The following ADGRD1 variants were observed in gnomAD, a reference collection of about 807,000 sequenced individuals.
ADGRD1 encodes adhesion G protein-coupled receptor D1.
A neutral mutation model predicts 113.4 loss-of-function variants in ADGRD1; 77 were observed. That is an observed-to-expected ratio of 0.68 (90% CI 0.57 to 0.82). The LOEUF is 0.82. Ranked by LOEUF, ADGRD1 falls within the 40% of genes least tolerant of loss-of-function variation. The pLI is 0.00. For synonymous variants in ADGRD1, 474 were observed against 475.0 expected, an observed-to-expected ratio of 1.00 and a Z score of 0.03; for missense variants, 1,036 against 1,139.1, an observed-to-expected ratio of 0.91 and a Z score of 1.30.
chr12:130,959,499 A>T (rs1019055669), intron 2 of ADGRD1, among the ~76,000 whole-genome samples: 1 of 152,164 alleles, frequency 6.6e-6, no homozygotes, highest in African/African-American at 2.4e-5. Context: ...TGAGTCCAGA[A>T]GTTTAAGGCT....
intron 21 of ADGRD1, among the ~76,000 whole-genome samples, chr12:131,133,052 G>A (rs1402322801): frequency 2.0e-5 from 3 of 152,156 alleles, no homozygotes; most frequent in Non-Finnish European, 2.9e-5. Flanking sequence ...GTTGTGCCCC[G>A]TGCGAGAAGA....
chr12:131,113,385 T>C lies in ADGRD1; in HGVS notation c.2041+4508T>C, dbSNP rs1048096634. Among the ~76,000 whole-genome samples the C allele has an allele frequency of 1.3e-5, 2 of 152,128 alleles. No homozygotes were observed. Among genetic ancestry groups the C allele is most frequent in the Non-Finnish European group, 2.9e-5 (2 of 68,018 alleles). On this transcript the variant is annotated intron_variant, in intron 18 of 24. Coordinates refer to ENST00000261654, the MANE Select transcript of ADGRD1 (RefSeq NM_198827.5). This position sits in a 1 kb window ranked among gnomAD's most constrained non-coding sequence, Gnocchi z 4.9. ...CTTTGCTGAGCTTTGCCCTTGCCCA[T>C]CCCAAGGGGTCCCAGTGAGCACTGG...
chr12:131,127,238 G>A (rs567332617), intron 20 of ADGRD1, among the ~76,000 whole-genome samples: 98 of 152,310 alleles, frequency 6.4e-4, no homozygotes, highest in South Asian at 1.5e-3. Context: ...AACGCAAAGC[G>A]GTCAAGATAA....
intron 20 of ADGRD1, among the ~76,000 whole-genome samples, chr12:131,128,505 T>C (rs912220634): frequency 1.9e-4 from 29 of 152,224 alleles, no homozygotes; most frequent in African/African-American, 6.8e-4. Flanking sequence ...TATTTCCTTT[T>C]AATTTATAAT....
rs573994161 is a variant in ADGRD1 at position 130,976,337 on chromosome 12, C to T, written c.310+4757C>T. Among the ~76,000 whole-genome samples the T allele has an allele frequency of 2.6e-5, 4 of 152,236 alleles. No individual in the cohort carries two copies. The South Asian group carries it at 8.3e-4, about 32-fold the overall frequency. On this transcript the variant is annotated intron_variant, in intron 4 of 24. Coordinates refer to ENST00000261654, the MANE Select transcript of ADGRD1 (RefSeq NM_198827.5). ...TTGAACAGATGGGGAAACTGAGGCC[C>T]AGAGAGGATGCAAGATGAGCCTGAG...
intron 4 of ADGRD1, among the ~76,000 whole-genome samples, chr12:130,974,556 T>C (rs547314864): frequency 1.3e-5 from 2 of 152,328 alleles, no homozygotes; most frequent in African/African-American, 4.8e-5. Flanking sequence ...GCCACACTTA[T>C]TGGTGTGGGC....
chr12:131,021,207 A>G (rs967825365), intron 13 of ADGRD1, among the ~76,000 whole-genome samples: 1 of 152,120 alleles, frequency 6.6e-6, no homozygotes, highest in Non-Finnish European at 1.5e-5. Context: ...CAGTAAATTG[A>G]CACTGATATT....
At position 131,115,813 on chromosome 12, in the gene ADGRD1, C is replaced by T. The variant is rs189558729; in HGVS notation, c.2042-2572C>T. ...AGCTGGTTGATGATACAGATTATTG[C>T]AAGATCAGCTTCATCATCGAGGGGC... On this transcript the variant is annotated intron_variant, in intron 18 of 24. Transcript: ENST00000261654. Among the ~76,000 whole-genome samples, 518 of 152,228 alleles carry T rather than the reference C, an allele frequency of 3.4e-3. 4 individuals carry two copies. The highest frequency in any genetic ancestry group is 5.1e-3 in the Non-Finnish European group (348 of 68,018).
chr12:131,110,975 T>C (rs10848286), intron 18 of ADGRD1, among the ~76,000 whole-genome samples: 23,124 of 152,274 alleles, frequency 0.15, 2,053 homozygotes, highest in Non-Finnish European at 0.2. Context: ...AAGTCAAAAC[T>C]TAATCTTACT....
intron 13 of ADGRD1, among the ~76,000 whole-genome samples, chr12:131,076,488 G>A (rs1025394943): frequency 1.3e-5 from 2 of 152,016 alleles, no homozygotes; most frequent in Non-Finnish European, 2.9e-5. Context: ...TGGGGAGTGG[G>A]GAGGGAGCCT....
rs192992111 is a variant in ADGRD1 at position 131,099,076 on chromosome 12, C to A, written c.1672-5755C>A. Reference sequence around the variant, plus strand: ...TTCCAACCACTCTTCTGTGATTCTCCATGATGCCTAGAGTTTGCCAGATCC... The same window carrying A: ...TTCCAACCACTCTTCTGTGATTCTCAATGATGCCTAGAGTTTGCCAGATCC... On this transcript the variant is annotated intron_variant, in intron 15 of 24. Transcript: ENST00000261654. Among the ~76,000 whole-genome samples the A allele has an allele frequency of 3.9e-5, 6 of 152,332 alleles. No homozygotes were observed. The East Asian group carries it at 1.2e-3, about 29-fold the overall frequency.
intron 15 of ADGRD1, among the ~76,000 whole-genome samples, chr12:131,092,955 C>T (rs1184377262): frequency 2.0e-5 from 3 of 150,846 alleles, no homozygotes; most frequent in African/African-American, 2.4e-5. Context: ...TGGCTGGAAA[C>T]GATGCTGGAG....
rs1885511382 is a variant in ADGRD1, at chr12:131,075,337, A to G, written c.1474-1464A>G. On this transcript the variant is annotated intron_variant, in intron 13 of 24. Transcript: ENST00000261654. This position sits in a 1 kb window ranked among gnomAD's most constrained non-coding sequence, Gnocchi z 5.3. ...TTCTATTATGTGAGGTTGGTGCTGCAGTTTTCCTGCTGATGCCCCTCTGTG... is the reference window on the plus strand; with the variant it reads ...TTCTATTATGTGAGGTTGGTGCTGCGGTTTTCCTGCTGATGCCCCTCTGTG... 6.6e-6 allele frequency among the ~76,000 whole-genome samples: 1 copy of G among 151,464 alleles called. No individual in the cohort carries two copies. The highest frequency in any genetic ancestry group is 2.4e-5 in the African/African-American group (1 of 41,174).
chr12:131,077,803 T>C (rs1885756109), intron 14 of ADGRD1, among the ~76,000 whole-genome samples: 1 of 152,182 alleles, frequency 6.6e-6, no homozygotes. Context: ...AGTGGTGTGA[T>C]CTTAGCTCAA....
intron 12 of ADGRD1, among the ~76,000 whole-genome samples, chr12:131,009,045 C>A (rs143563733): frequency 6.6e-6 from 1 of 152,180 alleles, no homozygotes; most frequent in African/African-American, 2.4e-5. Flanking sequence ...GGTTGCGGGG[C>A]GGGGGACCTC....
chr12:131,072,154 C>G (rs112231442), intron 13 of ADGRD1, among the ~76,000 whole-genome samples: 1 of 151,460 alleles, frequency 6.6e-6, no homozygotes, highest in Non-Finnish European at 1.5e-5. Context: ...GTGCACAAAC[C>G]GAGCGTGAGA....
chr12:131,133,320 C>T (rs1162534541), intron 21 of ADGRD1, among the ~76,000 whole-genome samples: 16 of 152,204 alleles, frequency 1.1e-4, no homozygotes, highest in Non-Finnish European at 1.5e-4. Flanking sequence ...TGTGCACCTG[C>T]CCCGCACCTG....
At chr12:131,131,609 C>T (rs1950929948) in intron 20 of ADGRD1, 116 bp from the exon 21 acceptor site, 2 of 687,760 alleles carry the variant, frequency 2.9e-6, no homozygotes, top group Admixed American at 2.7e-5. Context: ...CCCTGTGTCC[C>T]AGGAGCCCTG....
chr12:131,072,988 G>A (rs1455103415), intron 13 of ADGRD1, among the ~76,000 whole-genome samples: 1 of 152,230 alleles, frequency 6.6e-6, no homozygotes, highest in Non-Finnish European at 1.5e-5. Context: ...AGGCAGAGTA[G>A]TAAATCCCCA....
Sources: gnomAD v4.1 joint callset for allele counts (sites outside exome capture counted in the v4.1 genomes callset) on GRCh38, gnomAD v4.1.1 for gene constraint, Gnocchi (gnomAD v3.1) non-coding constraint, MANE v1.5 for transcripts, NCBI Gene and HGNC (gene_info 2026-07-23, HGNC 2026-07-21) for gene names.